Variants in INTU observed in about 807,000 individuals in gnomAD.
INTU encodes protein inturned.
INTU carries 68 observed loss-of-function variants against 100.5 expected under a neutral mutation model. The observed-to-expected ratio is 0.68, with a 90% CI of 0.56 to 0.83. The LOEUF (loss-of-function observed/expected upper bound fraction) is 0.83. Ranked by LOEUF, INTU falls within the 40% of genes least tolerant of loss-of-function variation. The probability of loss-of-function intolerance (pLI) is 0.00; values close to 1 mark genes in which losing one functional copy is unlikely to be tolerated. For missense variants in INTU, 1,071 were observed against 1,114.7 expected (o/e 0.96, Z 0.56); for synonymous variants, 357 against 395.7 (o/e 0.90, Z 1.16).
rs1448289691 is a variant in INTU at position 127,684,544 on chromosome 4, C to T, written c.1259+58C>T. The T allele has an allele frequency of 6.8e-6, 7 of 1,027,402 alleles. No homozygotes were observed. In the Admixed American group the frequency reaches 1.5e-4, roughly 22 times the overall value. 63.6% of individuals were successfully genotyped at this position (1,027,402 alleles called of 1,614,324 possible). On this transcript the variant is annotated intron_variant, in intron 7 of 15. Coordinates refer to ENST00000335251, the MANE Select transcript of INTU (RefSeq NM_015693.4). ...TAATTATGTGATTCTAAGTCATCTT[C>T]TGCATTTAAGACCATTTCTTGCTTG... is the stretch of plus-strand genomic sequence containing the variant.
chr4:127,692,664 C>T (rs1730204078), intron 8 of INTU, among the ~76,000 whole-genome samples: 2 of 152,150 alleles, frequency 1.3e-5, no homozygotes, highest in Admixed American at 6.6e-5. Context: ...TTGCCTAAGC[C>T]AATGTCTAGA....
intron 1 of INTU, among the ~76,000 whole-genome samples, chr4:127,642,533 G>A (rs1727379716): frequency 6.6e-6 from 1 of 152,078 alleles, no homozygotes; most frequent in Non-Finnish European, 1.5e-5. Flanking sequence ...AAACAGAAAT[G>A]TCTTCTATCT....
rs1731393755 is a variant in INTU, at chr4:127,724,793, T to C, written c.*8357T>C. 1 of 152,200 alleles carries C rather than the reference T, an allele frequency of 6.6e-6. No homozygotes were observed. The allele number at this position is 152,200 out of a possible 1,614,324, so 9.4% of individuals were successfully genotyped here. A position where few individuals can be genotyped will look rare whatever the true frequency, so the allele number is the denominator to read the frequency against. On this transcript the variant is annotated 3_prime_UTR_variant, in exon 16 of 16. Transcript: ENST00000335251. Reference sequence around the variant, plus strand: ...ATGAGCTGTCCAGCTTAGTCAAAACTAACTGCAAAACACTGGGTGTACCAT... The same window carrying C: ...ATGAGCTGTCCAGCTTAGTCAAAACCAACTGCAAAACACTGGGTGTACCAT...
intron 5 of INTU, among the ~76,000 whole-genome samples, chr4:127,670,007 A>G (rs943546646): frequency 3.9e-5 from 6 of 151,930 alleles, no homozygotes; most frequent in Non-Finnish European, 7.4e-5. Flanking sequence ...AGCAACATTG[A>G]TGTCAAATAA....
intron 12 of INTU, among the ~76,000 whole-genome samples, chr4:127,707,407 A>G (rs1306766382): frequency 4.6e-5 from 7 of 151,032 alleles, no homozygotes; most frequent in Non-Finnish European, 8.9e-5. Flanking sequence ...AAAAAAAAAA[A>G]AAAAAAAAAA....
Position 127,717,492 on chromosome 4 carries a change from G to A in INTU, c.*1056G>A, listed in dbSNP as rs918526235. The A allele has an allele frequency of 6.6e-6, 1 of 152,134 alleles. No individual in the cohort carries two copies. The highest frequency in any genetic ancestry group is 1.9e-4 in the East Asian group (1 of 5,194). 9.4% of individuals were successfully genotyped at this position (152,134 alleles called of 1,614,324 possible). A position where few individuals can be genotyped will look rare whatever the true frequency, so the allele number is the denominator to read the frequency against. On this transcript the variant is annotated 3_prime_UTR_variant, in exon 16 of 16. Coordinates refer to ENST00000335251, the MANE Select transcript of INTU (RefSeq NM_015693.4). ...GTAATTGAATGATTTATATTACTTT[G>A]AGTATAAACCCAGTAATGGGATTGC...
chr4:127,663,648 A>G lies in INTU; in HGVS notation c.972+64A>G, dbSNP rs1414778978. Reference sequence around the variant, plus strand: ...CAAAAGCCCAAAGGAAAAAGTAAGGACCTTTTATCGTATTCCCAGTGAATA... The same window carrying G: ...CAAAAGCCCAAAGGAAAAAGTAAGGGCCTTTTATCGTATTCCCAGTGAATA... On this transcript the variant is annotated intron_variant, in intron 4 of 15. Transcript: ENST00000335251. The G allele has an allele frequency of 3.1e-6, 4 of 1,306,282 alleles. No individual in the cohort carries two copies. In the Admixed American group the frequency reaches 7.5e-5, roughly 24 times the overall value. The allele number at this position is 1,306,282 out of a possible 1,614,324, so 80.9% of individuals were successfully genotyped here. A position where few individuals can be genotyped will look rare whatever the true frequency, so the allele number is the denominator to read the frequency against.
chr4:127,660,780 C>T (rs1472815371), intron 3 of INTU, among the ~76,000 whole-genome samples: 1 of 152,046 alleles, frequency 6.6e-6, no homozygotes, highest in African/African-American at 2.4e-5. Flanking sequence ...GAACCTTGTA[C>T]CAGGTTAAAG....
At chr4:127,709,063 T>A (rs1730996198) in intron 13 of INTU, among the ~76,000 whole-genome samples, 1 of 152,266 alleles carries the variant, frequency 6.6e-6, no homozygotes, top group South Asian at 2.1e-4. Context: ...TGGCTGCTAA[T>A]GCCTCACAGC....
In INTU at chr4:127,716,334, T is replaced by C; in HGVS notation, c.2727T>C (p.Phe909=). 6.5e-7 allele frequency: 1 copy of C among 1,549,222 alleles called. No individual in the cohort carries two copies. The highest frequency in any genetic ancestry group is 1.2e-5 in the South Asian group (1 of 81,552). ...TTCTTTTCTTCTGCAGGAGACTTTT[T>C]CTTCATCCAAAACCTCAAGAACTTT... The part of the protein sequence containing the change: ...VMAYWVVGRL[F]LHPKPQELYV... Residue 909 remains phenylalanine (F), a synonymous_variant, in exon 16 of 16, where the codon TTT becomes TTC. Coordinates refer to ENST00000335251, the MANE Select transcript of INTU (RefSeq NM_015693.4).
At chr4:127,684,275 G>A (rs1422263103) in intron 6 of INTU, 134 bp from the exon 7 acceptor site, 17 of 575,234 alleles carry the variant, frequency 3.0e-5, no homozygotes, top group Non-Finnish European at 5.2e-5. Flanking sequence ...CGACCATTTT[G>A]TACAGCTTTA....
At chr4:127,670,914 A>G (rs550468030) in intron 5 of INTU, among the ~76,000 whole-genome samples, 15 of 152,068 alleles carry the variant, frequency 9.9e-5, no homozygotes, top group African/African-American at 3.4e-4. Flanking sequence ...AGCCATATGC[A>G]AAAGAATGAA....
intron 8 of INTU, among the ~76,000 whole-genome samples, chr4:127,695,983 G>T (rs1730364855): frequency 6.6e-6 from 1 of 152,040 alleles, no homozygotes; most frequent in African/African-American, 2.4e-5. Flanking sequence ...TGATCTGATG[G>T]ATTACATTAA....
rs188115688 is a variant in INTU, at chr4:127,685,745, A to G, written c.1259+1259A>G. On this transcript the variant is annotated intron_variant, in intron 7 of 15. Transcript: ENST00000335251. ...TGAAGCTTTCTGTTTTCATAAAACC[A>G]GAGATTATCAAAGATTAAATTTTTG... 1,061 of 221,512 alleles carry G rather than the reference A, an allele frequency of 4.8e-3. 3 individuals carry two copies. The highest frequency in any genetic ancestry group is 7.6e-3 in the Non-Finnish European group (828 of 109,598). 13.7% of individuals were successfully genotyped at this position (221,512 alleles called of 1,614,324 possible).
intron 2 of INTU, among the ~76,000 whole-genome samples, chr4:127,647,068 A>C (rs1727626026): frequency 6.6e-6 from 1 of 151,986 alleles, no homozygotes; most frequent in Non-Finnish European, 1.5e-5. Flanking sequence ...AGCCTGATTT[A>C]TTTTTTTCCT....
chr4:127,705,404 T>C (rs1730834510), intron 10 of INTU, among the ~76,000 whole-genome samples, 187 bp from the exon 11 acceptor site: 7 of 152,196 alleles, frequency 4.6e-5, no homozygotes. Flanking sequence ...ACACCTTAAG[T>C]TATCATTTGA....
intron 3 of INTU, among the ~76,000 whole-genome samples, chr4:127,661,370 T>A (rs945392748): frequency 1.3e-5 from 2 of 151,974 alleles, no homozygotes; most frequent in African/African-American, 4.8e-5. Flanking sequence ...CTTTTTTTAT[T>A]TTTGGTAGGT....
intron 2 of INTU, among the ~76,000 whole-genome samples, chr4:127,650,610 C>T (rs1276481397): frequency 6.6e-6 from 1 of 151,802 alleles, no homozygotes; most frequent in African/African-American, 2.4e-5. Flanking sequence ...TTTCTTAATC[C>T]AGTCTATCAT....
chr4:127,674,440 C>T (rs1729080064), intron 6 of INTU, among the ~76,000 whole-genome samples: 1 of 152,164 alleles, frequency 6.6e-6, no homozygotes, highest in Non-Finnish European at 1.5e-5. Context: ...GCTGTCAATA[C>T]ACTTGCTTCT....
Sources: allele counts gnomAD v4.1 joint callset (sites outside exome capture counted in the v4.1 genomes callset), GRCh38; gene constraint gnomAD v4.1.1; transcripts MANE v1.5; gene names NCBI Gene and HGNC (gene_info 2026-07-23, HGNC 2026-07-21).